Variants in CTXN3 observed in about 807,000 individuals in gnomAD.
CTXN3 encodes the protein cortexin-3.
In CTXN3, 4 loss-of-function variants were observed where a neutral mutation model predicts 5.0. The ratio of observed to expected loss-of-function variants is 0.79; its 90% CI spans 0.39 to 1.82. The LOEUF (loss-of-function observed/expected upper bound fraction) is 1.82. Ranked by LOEUF, CTXN3 falls within the 40% of genes most tolerant of loss-of-function variation. The pLI is 0.04. For missense variants in CTXN3, 89 were observed against 99.7 expected (o/e 0.89, Z 0.46); for synonymous variants, 48 against 38.6 (o/e 1.24, Z -0.91).
intron 1 of CTXN3, chr5:127,652,227 C>T (rs1749799924): frequency 6.6e-6 from 1 of 152,112 alleles, no homozygotes; most frequent in Non-Finnish European, 1.5e-5. Flanking sequence ...CTTGAACTAG[C>T]TGTCTTTCTT....
chr5:127,657,565 G>A lies in CTXN3; in HGVS notation c.44G>A (p.Gly15Glu). ...ATCCCCTCATCCCTAGTGCCCCTTG[G>A]GAACGAATCAGCAGATTCTAGCATG... ...QPIPSSLVPLGNESADSSMSL... is the reference protein window; with the variant it reads ...QPIPSSLVPLENESADSSMSL... The change falls in exon 3 of 3, where the codon GGG becomes GAG. Residue 15 changes from glycine to glutamate, a missense_variant. Gly to Glu is a moderately conservative substitution (Grantham distance 98). Coordinates refer to ENST00000379445, the MANE Select transcript of CTXN3 (RefSeq NM_001048252.3). 6.2e-7 allele frequency: 1 copy of A among 1,614,084 alleles called. No individual in the cohort carries two copies. The highest frequency in any genetic ancestry group is 8.5e-7 in the Non-Finnish European group (1 of 1,179,994).
intron 1 of CTXN3, among the ~76,000 whole-genome samples, chr5:127,650,797 G>T (rs1211087527): frequency 6.6e-6 from 1 of 152,144 alleles, no homozygotes; most frequent in Non-Finnish European, 1.5e-5. Flanking sequence ...TGGTGGGGAT[G>T]GATAATAGGA....
chr5:127,652,480 T>C (rs1282255195), intron 1 of CTXN3: 2 of 152,196 alleles, frequency 1.3e-5, no homozygotes, highest in South Asian at 2.1e-4. Context: ...CTGTCAAGAC[T>C]CGCACTGTAA....
At chr5:127,650,602 G>A (rs929863990) in intron 1 of CTXN3, among the ~76,000 whole-genome samples, 6 of 152,168 alleles carry the variant, frequency 3.9e-5, no homozygotes, top group Admixed American at 1.3e-4. Flanking sequence ...TAAGCAAGAG[G>A]GCCATGAATT....
At chr5:127,655,037 G>A (rs1307091974) in intron 2 of CTXN3, among the ~76,000 whole-genome samples, 2 of 152,118 alleles carry the variant, frequency 1.3e-5, no homozygotes, top group African/African-American at 4.8e-5. Context: ...GCTGAGGTGG[G>A]TGGATCACCT....
rs1323382757 is a variant in CTXN3 at position 127,657,499 on chromosome 5, C to T, written c.-23C>T. On this transcript the variant is annotated 5_prime_UTR_variant, in exon 3 of 3. Coordinates refer to ENST00000379445, the MANE Select transcript of CTXN3 (RefSeq NM_001048252.3). ...TGGAAGAAAAGAAAACCAGGATATC[C>T]TGTGCTCTGGCTTCCCTGGACCATG... 9.9e-6 allele frequency: 16 copies of T among 1,612,732 alleles called. No homozygotes were observed. In the Admixed American group the frequency reaches 2.7e-4, roughly 27 times the overall value.
At position 127,658,592 on chromosome 5, in the gene CTXN3, G is replaced by A. The variant is rs1749969938; in HGVS notation, c.*825G>A. On this transcript the variant is annotated 3_prime_UTR_variant, in exon 3 of 3. Transcript: ENST00000379445. ...AGTCTTCAGAGGAATGTGTATTTAT[G>A]ATTGTATATAGTCACCAAATAAAAC... is the stretch of plus-strand genomic sequence containing the variant. The A allele has an allele frequency of 6.0e-6, 1 of 166,964 alleles. No homozygotes were observed. Among genetic ancestry groups the A allele is most frequent in the Non-Finnish European group, 1.5e-5 (1 of 68,112 alleles). The allele number at this position is 166,964 out of a possible 1,614,324, so 10.3% of individuals were successfully genotyped here. A position where few individuals can be genotyped will look rare whatever the true frequency, so the allele number is the denominator to read the frequency against.
chr5:127,652,337 C>G (rs1358223887), intron 1 of CTXN3: 1 of 152,122 alleles, frequency 6.6e-6, no homozygotes, highest in Non-Finnish European at 1.5e-5. Flanking sequence ...GCTGGCACCT[C>G]GGGTTTTGAA....
chr5:127,655,745 G>A (rs560245722), intron 2 of CTXN3, among the ~76,000 whole-genome samples: 1 of 152,092 alleles, frequency 6.6e-6, no homozygotes, highest in Non-Finnish European at 1.5e-5. Flanking sequence ...TTCCTAAAGA[G>A]CTTATTTTTT....
Position 127,657,452 on chromosome 5 carries a change from C to T in CTXN3, c.-70C>T. Reference sequence around the variant, plus strand: ...CTCAGCCTCTCCAGAGTGCAGCCACCATGACCTCCGCAGATTGATGATGGA... The same window carrying T: ...CTCAGCCTCTCCAGAGTGCAGCCACTATGACCTCCGCAGATTGATGATGGA... On this transcript the variant is annotated 5_prime_UTR_variant, in exon 3 of 3. Transcript: ENST00000379445. The T allele has an allele frequency of 6.3e-7, 1 of 1,579,364 alleles. No individual in the cohort carries two copies. The highest frequency in any genetic ancestry group is 2.2e-5 in the East Asian group (1 of 44,618).
In CTXN3 at chr5:127,657,885, T is replaced by A; in HGVS notation, c.*118T>A. ...TAAACAATATTTGGTCCCAGGACCATAATCCATTATTCCATAAATATGCAG... is the reference window on the plus strand; with the variant it reads ...TAAACAATATTTGGTCCCAGGACCAAAATCCATTATTCCATAAATATGCAG... On this transcript the variant is annotated 3_prime_UTR_variant, in exon 3 of 3. Transcript: ENST00000379445. The A allele has an allele frequency of 8.3e-7, 1 of 1,207,058 alleles. No individual in the cohort carries two copies. Among genetic ancestry groups the A allele is most frequent in the Non-Finnish European group, 1.2e-6 (1 of 863,590 alleles). The allele number at this position is 1,207,058 out of a possible 1,614,324, so 74.8% of individuals were successfully genotyped here.
rs956011059 is a variant in CTXN3 at position 127,658,595 on chromosome 5, T to C, written c.*828T>C. ...CTTCAGAGGAATGTGTATTTATGAT[T>C]GTATATAGTCACCAAATAAAACTTT... On this transcript the variant is annotated 3_prime_UTR_variant, in exon 3 of 3. Transcript: ENST00000379445. 1 of 167,012 alleles carries C rather than the reference T, an allele frequency of 6.0e-6. No homozygotes were observed. The allele number at this position is 167,012 out of a possible 1,614,324, so 10.3% of individuals were successfully genotyped here.
At chr5:127,649,690 C>T (rs1328392882) in intron 1 of CTXN3, among the ~76,000 whole-genome samples, 4 of 151,526 alleles carry the variant, frequency 2.6e-5, no homozygotes, top group Middle Eastern at 3.4e-3. Flanking sequence ...TTTCTGAAAG[C>T]TGTTTGCCCA....
chr5:127,656,456 G>A (rs1012217276), intron 2 of CTXN3, among the ~76,000 whole-genome samples: 1 of 152,104 alleles, frequency 6.6e-6, no homozygotes, highest in African/African-American at 2.4e-5. Flanking sequence ...TAAATGGTAG[G>A]AAGCCACTCT....
At chr5:127,654,880 G>A (rs1279005025) in intron 2 of CTXN3, among the ~76,000 whole-genome samples, 5 of 152,158 alleles carry the variant, frequency 3.3e-5, no homozygotes, top group Admixed American at 6.5e-5. Context: ...GGATTTCACA[G>A]ATCCAGAAAT....
At chr5:127,651,403 T>C (rs1189170304) in intron 1 of CTXN3, among the ~76,000 whole-genome samples, 1 of 152,132 alleles carries the variant, frequency 6.6e-6, no homozygotes, top group Non-Finnish European at 1.5e-5. Context: ...CGTTAACACC[T>C]GAGGGATGAC....
chr5:127,652,908 T>G (rs1206313522), intron 1 of CTXN3: 3 of 152,150 alleles, frequency 2.0e-5, no homozygotes, highest in Non-Finnish European at 4.4e-5. Context: ...AAAATAAAAC[T>G]CAGATCTTAA....
At chr5:127,652,482 G>A (rs910654538) in intron 1 of CTXN3, 6 of 152,122 alleles carry the variant, frequency 3.9e-5, no homozygotes, top group African/African-American at 1.4e-4. Flanking sequence ...GTCAAGACTC[G>A]CACTGTAATC....
intron 1 of CTXN3, among the ~76,000 whole-genome samples, chr5:127,650,266 G>A (rs137978018): frequency 1.2e-3 from 188 of 152,248 alleles, no homozygotes; most frequent in African/African-American, 4.3e-3. Flanking sequence ...AGACTTCCCA[G>A]TGCAGCAGTG....
Sources: gnomAD v4.1 joint callset for allele counts (sites outside exome capture counted in the v4.1 genomes callset) on GRCh38, gnomAD v4.1.1 for gene constraint, MANE v1.5 for transcripts, NCBI Gene and HGNC (gene_info 2026-07-23, HGNC 2026-07-21) for gene names.